The following CTTNBP2 variants were observed in gnomAD, a reference collection of about 807,000 sequenced individuals.
CTTNBP2 encodes cortactin-binding protein 2.
CTTNBP2 carries 108 observed loss-of-function variants against 156.9 expected under a neutral mutation model. The ratio of observed to expected loss-of-function variants is 0.69; its 90% CI spans 0.59 to 0.81. The LOEUF (loss-of-function observed/expected upper bound fraction) is 0.81, where lower values mean the gene tolerates loss of function less well. Among genes scored for constraint, CTTNBP2 ranks in the 30% least tolerant of loss-of-function variants. The pLI, the probability that CTTNBP2 is intolerant of heterozygous loss-of-function variation, is 0.00. For missense variants in CTTNBP2, 1,924 were observed against 2,035.4 expected, an observed-to-expected ratio of 0.95 and a Z score of 1.05; for synonymous variants, 767 against 751.8, an observed-to-expected ratio of 1.02 and a Z score of -0.33.
chr7:117,814,872 T>G (rs184328668), intron 2 of CTTNBP2, among the ~76,000 whole-genome samples: 2 of 152,374 alleles, frequency 1.3e-5, no homozygotes, highest in South Asian at 2.1e-4. Context: ...GTTGCTGATA[T>G]CTTTAGTTGT....
At chr7:117,781,337 A>C (rs1798423383) in intron 6 of CTTNBP2, among the ~76,000 whole-genome samples, 1 of 152,220 alleles carries the variant, frequency 6.6e-6, no homozygotes, top group Non-Finnish European at 1.5e-5. Flanking sequence ...TTCATCTTTT[A>C]TTTTCACTCC....
intron 2 of CTTNBP2, among the ~76,000 whole-genome samples, chr7:117,813,351 T>C (rs1800397398): frequency 6.6e-6 from 1 of 152,166 alleles, no homozygotes; most frequent in South Asian, 2.1e-4. Context: ...CATTTCAATA[T>C]GGCAACAGCA....
intron 6 of CTTNBP2, among the ~76,000 whole-genome samples, chr7:117,781,670 G>A (rs748903036): frequency 4.7e-4 from 71 of 152,248 alleles, no homozygotes; most frequent in Non-Finnish European, 8.7e-4. Flanking sequence ...CCCAGGAGGC[G>A]GAGGTTGCAG....
chr7:117,715,022 AAAGT>A (rs1794265842), intron 22 of CTTNBP2, among the ~76,000 whole-genome samples: 2 of 152,350 alleles, frequency 1.3e-5, no homozygotes, highest in South Asian at 2.1e-4. Flanking sequence ...GCACTGACCT[AAAGT>A]AAGTTTTATT....
At chr7:117,799,089 T>C (rs1232346781) in intron 3 of CTTNBP2, among the ~76,000 whole-genome samples, 1 of 151,730 alleles carries the variant, frequency 6.6e-6, no homozygotes, top group African/African-American at 2.4e-5. Flanking sequence ...TGTACTGATG[T>C]TCTAGAAAAC....
chr7:117,861,458 T>C (rs528626052), intron 1 of CTTNBP2, 142 bp from the exon 2 acceptor site: 3 of 621,414 alleles, frequency 4.8e-6, no homozygotes, highest in East Asian at 2.8e-5. Context: ...CAGCAGACAA[T>C]TTACGCCTTG....
In CTTNBP2 at chr7:117,792,767, C is replaced by T; in HGVS notation, c.429G>A (p.Lys143=). ...ESRQKKLEME[K]LQLQALEQEH... ...CTTGCTCAAGGGCTTGTAGCTGAAG[C>T]TTCTCCATTTCCAGCTGAAAGAAAT... is the stretch of plus-strand genomic sequence containing the variant. Residue 143 remains lysine, a synonymous_variant, in exon 4 of 23, where the codon AAG becomes AAA. Coordinates refer to ENST00000160373, the MANE Select transcript of CTTNBP2 (RefSeq NM_033427.3). The surrounding 1 kb of genome is among the most constrained non-coding windows in gnomAD (Gnocchi z 4.2). The T allele has an allele frequency of 6.5e-7, 1 of 1,546,768 alleles. No homozygotes were observed.
intron 2 of CTTNBP2, among the ~76,000 whole-genome samples, chr7:117,841,847 TAA>T (rs1461738764): frequency 6.6e-6 from 1 of 151,904 alleles, no homozygotes; most frequent in African/African-American, 2.4e-5. Context: ...AGTCAAAATA[TAA>T]AAGAGAAAAA....
In CTTNBP2 at chr7:117,735,263, C is replaced by G. The variant is rs372369992; in HGVS notation, c.3688+6G>C. On this transcript the variant is annotated splice_donor_region_variant and intron_variant, in intron 15 of 22. Coordinates refer to ENST00000160373, the MANE Select transcript of CTTNBP2 (RefSeq NM_033427.3). ...CTTCTCAGCATGGTCCCTTTATTAGCGTTACCTTTTTGGAAAGTGCAGGGG... is the reference window on the plus strand; with the variant it reads ...CTTCTCAGCATGGTCCCTTTATTAGGGTTACCTTTTTGGAAAGTGCAGGGG... 1.2e-6 allele frequency: 2 copies of G among 1,611,936 alleles called. No individual in the cohort carries two copies. The highest frequency in any genetic ancestry group is 1.7e-6 in the Non-Finnish European group (2 of 1,179,656).
At chr7:117,865,278 C>T (rs1026391772) in intron 1 of CTTNBP2, among the ~76,000 whole-genome samples, 20 of 151,646 alleles carry the variant, frequency 1.3e-4, no homozygotes, top group African/African-American at 4.4e-4. Flanking sequence ...TGTTCGCAGA[C>T]TAAAGTTTAC....
chr7:117,873,398 C>G lies in CTTNBP2; in HGVS notation c.18G>C (p.Ala6=). 6.7e-7 allele frequency: 1 copy of G among 1,492,042 alleles called. No individual in the cohort carries two copies. The highest frequency in any genetic ancestry group is 8.9e-7 in the Non-Finnish European group (1 of 1,127,756). 92.4% of individuals were successfully genotyped at this position (1,492,042 alleles called of 1,614,324 possible). Residue 6 remains alanine, a synonymous_variant, in exon 1 of 23, where the codon GCG becomes GCC. Coordinates refer to ENST00000160373, the MANE Select transcript of CTTNBP2 (RefSeq NM_033427.3). MATDG[A]SCEPDLSRAP... ...CCCGGGACAAGTCGGGCTCGCAGCTCGCGCCGTCCGTCGCCATCTTCCTGC... is the reference window on the plus strand; with the variant it reads ...CCCGGGACAAGTCGGGCTCGCAGCTGGCGCCGTCCGTCGCCATCTTCCTGC...
intron 1 of CTTNBP2, among the ~76,000 whole-genome samples, chr7:117,863,792 G>T (rs1385068424): frequency 6.6e-6 from 1 of 152,190 alleles, no homozygotes; most frequent in Non-Finnish European, 1.5e-5. Flanking sequence ...GAGGAATGGG[G>T]TATTGGCCAG....
In CTTNBP2 at chr7:117,792,250, C is replaced by T. The variant is rs1799072814; in HGVS notation, c.946G>A (p.Ala316Thr). The change falls in exon 4 of 23, where the codon GCT becomes ACT. Residue 316 changes from alanine (A) to threonine (T), a missense_variant. Coordinates refer to ENST00000160373, the MANE Select transcript of CTTNBP2 (RefSeq NM_033427.3). This position sits in a 1 kb window ranked among gnomAD's most constrained non-coding sequence, Gnocchi z 4.2. ...AAAGGCAACTTTTTCATGTGGTCAG[C>T]ATTTTCTGTCACTAGGTCTGTCTGG... is the stretch of plus-strand genomic sequence containing the variant. ...ACQTDLVTENADHMKKLPLTM... is the reference protein window; with the variant it reads ...ACQTDLVTENTDHMKKLPLTM... 1 of 1,614,174 alleles carries T rather than the reference C, an allele frequency of 6.2e-7. No individual in the cohort carries two copies. Among genetic ancestry groups the T allele is most frequent in the South Asian group, 1.1e-5 (1 of 91,088 alleles).
At chr7:117,795,685 G>A (rs1319237609) in intron 3 of CTTNBP2, among the ~76,000 whole-genome samples, 2 of 152,168 alleles carry the variant, frequency 1.3e-5, no homozygotes, top group Admixed American at 1.3e-4. Context: ...TCCAAGTGGA[G>A]AGCAATTCAG....
At chr7:117,863,881 T>C (rs957533726) in intron 1 of CTTNBP2, among the ~76,000 whole-genome samples, 3 of 152,220 alleles carry the variant, frequency 2.0e-5, no homozygotes, top group Admixed American at 1.3e-4. Context: ...CAGGCTCTTT[T>C]ATCCTGGTTT....
In CTTNBP2 at chr7:117,735,069, A is replaced by G; in HGVS notation, c.3720T>C (p.His1240=). ...TGGTTCCCATCAGAAAGCAGTTCTC[A>G]TGAAAGTAATAACATTCGGACAGTC... ...GNGLSECYYF[H]ENCFLMGTIA... The change falls in exon 16 of 23, where the codon CAT becomes CAC. Residue 1240 remains histidine (H), a synonymous_variant. Transcript: ENST00000160373. 1.9e-6 allele frequency: 3 copies of G among 1,614,064 alleles called. No homozygotes were observed. The highest frequency in any genetic ancestry group is 8.5e-7 in the Non-Finnish European group (1 of 1,179,954).
At chr7:117,747,750 G>A (rs1796413604) in intron 12 of CTTNBP2, among the ~76,000 whole-genome samples, 1 of 152,168 alleles carries the variant, frequency 6.6e-6, no homozygotes, top group Non-Finnish European at 1.5e-5. Context: ...CCCATCCTGG[G>A]CAACAGAGCG....
At chr7:117,774,104 T>C (rs1037828554) in intron 8 of CTTNBP2, among the ~76,000 whole-genome samples, 2 of 152,178 alleles carry the variant, frequency 1.3e-5, no homozygotes, top group South Asian at 4.1e-4. Flanking sequence ...TCTATTCACA[T>C]GAAATGATGG....
At chr7:117,855,030 C>T (rs1355345531) in intron 2 of CTTNBP2, among the ~76,000 whole-genome samples, 2 of 152,036 alleles carry the variant, frequency 1.3e-5, no homozygotes, top group Admixed American at 6.5e-5. Context: ...AGTGATCCAC[C>T]TGCTTCAGCT....
Sources: allele counts gnomAD v4.1 joint callset (sites outside exome capture counted in the v4.1 genomes callset), GRCh38; gene constraint gnomAD v4.1.1; non-coding constraint Gnocchi (gnomAD v3.1); transcripts MANE v1.5; gene names NCBI Gene and HGNC (gene_info 2026-07-23, HGNC 2026-07-21).